AKR1B1: variants seen among roughly 807,000 people sequenced by gnomAD.
The protein encoded by AKR1B1 is aldo-keto reductase family 1 member B.
A neutral mutation model predicts 40.4 loss-of-function variants in AKR1B1; 22 were observed. The ratio of observed to expected loss-of-function variants is 0.54; its 90% CI spans 0.39 to 0.78. The LOEUF (loss-of-function observed/expected upper bound fraction) is 0.78. AKR1B1 is among the 30% of genes least tolerant of loss of function. The probability of loss-of-function intolerance (pLI) is 0.00; values close to 1 mark genes in which losing one functional copy is unlikely to be tolerated. For synonymous variants in AKR1B1, 157 were observed against 149.9 expected (o/e 1.05, Z -0.35); for missense variants, 357 against 396.7 (o/e 0.90, Z 0.85).
intron 1 of AKR1B1, among the ~76,000 whole-genome samples, chr7:134,455,082 T>C (rs1356204619): frequency 2.6e-5 from 4 of 152,198 alleles, no homozygotes; most frequent in African/African-American, 9.7e-5. Flanking sequence ...TCCAAGGATC[T>C]TGGGCCATCA....
At chr7:134,458,548 A>G (rs1806562232) in intron 1 of AKR1B1, among the ~76,000 whole-genome samples, 1 of 152,194 alleles carries the variant, frequency 6.6e-6, no homozygotes, top group South Asian at 2.1e-4. Context: ...AGGTGCCTCG[A>G]GGGAAAGGAG....
chr7:134,451,330 G>A, intron 2 of AKR1B1: 2 of 577,402 alleles, frequency 3.5e-6, no homozygotes, highest in Non-Finnish European at 6.2e-6. Context: ...TCCCTGGAAA[G>A]GGAGGGCCAA....
chr7:134,446,784 T>C (rs961000037), intron 8 of AKR1B1, among the ~76,000 whole-genome samples: 10 of 152,244 alleles, frequency 6.6e-5, no homozygotes, highest in Non-Finnish European at 1.3e-4. Context: ...TCCTTTGCAG[T>C]CCCTGGACTT....
In AKR1B1 at chr7:134,442,750, TA is replaced by T; in HGVS notation, c.928del (p.Tyr310ThrfsTer46). On this transcript the variant is annotated frameshift_variant, in exon 10 of 10. Transcript: ENST00000285930. LOFTEE classifies it high-confidence loss of function. The part of the protein sequence containing the change: ...ALLSCTSHKD[Y>X]PFHEEF ...GCTTCAAAACTCTTCATGGAAGGGG[TA>T]ATCCTTGTGGGAGGTACAGCTGTCA... The T allele has an allele frequency of 6.2e-7, 1 of 1,614,042 alleles. No individual in the cohort carries two copies. Among genetic ancestry groups the T allele is most frequent in the Non-Finnish European group, 8.5e-7 (1 of 1,179,958 alleles).
At chr7:134,443,618 G>A (rs1203729662) in intron 9 of AKR1B1, among the ~76,000 whole-genome samples, 1 of 151,494 alleles carries the variant, frequency 6.6e-6, no homozygotes, top group African/African-American at 2.4e-5. Context: ...AGGTGCAGAC[G>A]TGTTTGTCAA....
In AKR1B1 at chr7:134,442,562, A is replaced by G. The variant is rs746497134; in HGVS notation, c.*166T>C. The G allele has an allele frequency of 1.1e-4, 70 of 630,884 alleles. No homozygotes were observed. Among genetic ancestry groups the G allele is most frequent in the Non-Finnish European group, 1.8e-4 (62 of 351,730 alleles). The allele number at this position is 630,884 out of a possible 1,614,324, so 39.1% of individuals were successfully genotyped here. On this transcript the variant is annotated 3_prime_UTR_variant, in exon 10 of 10. Coordinates refer to ENST00000285930, the MANE Select transcript of AKR1B1 (RefSeq NM_001628.4). ...ACTGGAAGAGACTTCTACTCTACTG[A>G]CAGGGCTCTTGAGATCCAACATCAA...
chr7:134,448,229 AC>A (rs776492166), intron 6 of AKR1B1, among the ~76,000 whole-genome samples, 157 bp downstream of exon 6: 5 of 152,116 alleles, frequency 3.3e-5, no homozygotes, highest in Admixed American at 1.3e-4. Flanking sequence ...GTGTCTTGCT[AC>A]TAGAAACTCC....
At chr7:134,446,704 G>C (rs2269068) in intron 8 of AKR1B1, among the ~76,000 whole-genome samples, 59,368 of 152,150 alleles carry the variant, frequency 0.39, 13,361 homozygotes, top group East Asian at 0.82. Context: ...TCCTGACACA[G>C]GTCTAGGCTC....
rs374068972 is a variant in AKR1B1, at chr7:134,450,839, G to T, written c.298C>A (p.Leu100Met). The T allele has an allele frequency of 1.5e-5, 25 of 1,614,200 alleles. No individual in the cohort carries two copies. The highest frequency in any genetic ancestry group is 2.1e-5 in the Non-Finnish European group (25 of 1,180,034). The stretch of plus-strand genomic sequence containing the variant: ...TAGAGGTCCAGGTAGTCCAGCTTCA[G>T]GTCGCTGAGTGTCTTCTGGCAGGCT... Reference protein sequence around the residue: ...KGACQKTLSDLKLDYLDLYLI... With the variant: ...KGACQKTLSDMKLDYLDLYLI... Residue 100 changes from leucine to methionine, a missense_variant, in exon 3 of 10, where the codon CTG (leucine) becomes ATG (methionine). Leu to Met is a conservative substitution (Grantham distance 15, BLOSUM62 2). Transcript: ENST00000285930.
Position 134,459,081 on chromosome 7 carries a change from A to G in AKR1B1, c.-19T>C, listed in dbSNP as rs373338991. ...TTGCCATGGCTGCTGCGCTCCCCAG[A>G]CCCCCGCCCAGTACGGTGCGGCCTT... is the stretch of plus-strand genomic sequence containing the variant. On this transcript the variant is annotated 5_prime_UTR_variant, in exon 1 of 10. Coordinates refer to ENST00000285930, the MANE Select transcript of AKR1B1 (RefSeq NM_001628.4). The G allele has an allele frequency of 2.9e-5, 47 of 1,594,522 alleles. No individual in the cohort carries two copies. The highest frequency in any genetic ancestry group is 3.7e-5 in the Non-Finnish European group (43 of 1,171,694).
chr7:134,448,006 C>T lies in AKR1B1; in HGVS notation c.715G>A (p.Ala239Thr). 6.2e-7 allele frequency: 1 copy of T among 1,613,208 alleles called. No individual in the cohort carries two copies. Among genetic ancestry groups the T allele is most frequent in the East Asian group, 2.2e-5 (1 of 44,840 alleles). The stretch of plus-strand genomic sequence containing the variant: ...TGGGCTGTAGTTTTATTGTGCTTGG[C>T]TGCGATCGCCTTGATCCTGGGATCC... ...LEDPRIKAIAAKHNKTTAQVL... is the reference protein window; with the variant it reads ...LEDPRIKAIATKHNKTTAQVL... The change falls in exon 7 of 10, where the codon GCC becomes ACC. Residue 239 changes from alanine (A) to threonine (T), a missense_variant. Transcript: ENST00000285930.
In AKR1B1 at chr7:134,451,956, T is replaced by C. The variant is rs529503940; in HGVS notation, c.67-203A>G. 299 of 640,286 alleles carry C rather than the reference T, an allele frequency of 4.7e-4. 7 individuals are homozygous for C. In the South Asian group the frequency reaches 5.1e-3, roughly 11 times the overall value. The allele number at this position is 640,286 out of a possible 1,614,324, so 39.7% of individuals were successfully genotyped here. On this transcript the variant is annotated intron_variant, in intron 1 of 9. Coordinates refer to ENST00000285930, the MANE Select transcript of AKR1B1 (RefSeq NM_001628.4). The stretch of plus-strand genomic sequence containing the variant: ...TGAAAGGCCACACAGCATTGCCCTG[T>C]AGGAGAATCTGACAGCCACTTAAGT...
At chr7:134,445,142 G>C (rs1372329397) in intron 9 of AKR1B1, 96 bp downstream of exon 9, 1 of 1,081,214 alleles carries the variant, frequency 9.2e-7, no homozygotes, top group Non-Finnish European at 1.4e-6. Flanking sequence ...GCTGTGACGA[G>C]AGCACATTGG....
At position 134,459,041 on chromosome 7, in the gene AKR1B1, T is replaced by C; in HGVS notation, c.22A>G (p.Asn8Asp). 1 of 1,608,136 alleles carries C rather than the reference T, an allele frequency of 6.2e-7. No individual in the cohort carries two copies. The highest frequency in any genetic ancestry group is 1.7e-5 in the Admixed American group (1 of 59,486). ...AGGATGGGCATCTTGGCGCCGTTGTTGAGCAGGAGACGGCTTGCCATGGCT... is the reference window on the plus strand; with the variant it reads ...AGGATGGGCATCTTGGCGCCGTTGTCGAGCAGGAGACGGCTTGCCATGGCT... MASRLLL[N>D]NGAKMPILGL... Residue 8 changes from asparagine to aspartate, a missense_variant, in exon 1 of 10, where the codon AAC (asparagine) becomes GAC (aspartate). Transcript: ENST00000285930.
At chr7:134,444,937 T>C in intron 9 of AKR1B1, 16 of 508,384 alleles carry the variant, frequency 3.1e-5, no homozygotes, top group South Asian at 2.8e-4. Flanking sequence ...TGGGATCACC[T>C]AGTTTCAGAT....
intron 7 of AKR1B1, 46 bp from the exon 8 acceptor site, chr7:134,447,427 C>T (rs549562025): frequency 1.9e-5 from 29 of 1,510,568 alleles, no homozygotes; most frequent in East Asian, 4.5e-5. Context: ...GCCAGGCACT[C>T]GCACCCATCA....
Position 134,450,780 on chromosome 7 carries a change from C to A in AKR1B1, c.351+6G>T. On this transcript the variant is annotated splice_donor_region_variant and intron_variant, in intron 3 of 9. Coordinates refer to ENST00000285930, the MANE Select transcript of AKR1B1 (RefSeq NM_001628.4). ...AGGGACCTGGTCTGCACCAGGCATC[C>A]CATACCTTAAAGCCAGTCGGCCAGT... The A allele has an allele frequency of 6.2e-7, 1 of 1,612,228 alleles. No homozygotes were observed. Among genetic ancestry groups the A allele is most frequent in the Non-Finnish European group, 8.5e-7 (1 of 1,178,756 alleles).
chr7:134,458,992 C>T lies in AKR1B1; in HGVS notation c.66+5G>A. 2 of 1,606,016 alleles carry T rather than the reference C, an allele frequency of 1.2e-6. No individual in the cohort carries two copies. The highest frequency in any genetic ancestry group is 1.1e-5 in the South Asian group (1 of 89,222). On this transcript the variant is annotated splice_donor_5th_base_variant and intron_variant, in intron 1 of 9. Coordinates refer to ENST00000285930, the MANE Select transcript of AKR1B1 (RefSeq NM_001628.4). Reference sequence around the variant, plus strand: ...CCCCGGGCCCGCGCCCCCACGAGCACCTACCTTCCAGGTACCCAACCCCAG... The same window carrying T: ...CCCCGGGCCCGCGCCCCCACGAGCATCTACCTTCCAGGTACCCAACCCCAG...
rs1229108905 is a variant in AKR1B1 at position 134,451,698 on chromosome 7, C to T, written c.122G>A (p.Arg41His). 13 of 1,614,010 alleles carry T rather than the reference C, an allele frequency of 8.1e-6. 1 individual carries two copies. The highest frequency in any genetic ancestry group is 3.3e-5 in the South Asian group (3 of 91,088). Residue 41 changes from arginine to histidine, a missense_variant, in exon 2 of 10, where the codon CGC (arginine) becomes CAC (histidine). Coordinates refer to ENST00000285930, the MANE Select transcript of AKR1B1 (RefSeq NM_001628.4). ...GTACACATGGGCACAGTCGATGTGG[C>T]GGTACCCGACGTCAATGGCCACCTT... ...AVKVAIDVGY[R>H]HIDCAHVYQN...
Sources: allele counts gnomAD v4.1 joint callset (sites outside exome capture counted in the v4.1 genomes callset), GRCh38; gene constraint gnomAD v4.1.1; transcripts MANE v1.5; gene names NCBI Gene and HGNC (gene_info 2026-07-23, HGNC 2026-07-21).